Variants in MYO1D observed in about 807,000 individuals in gnomAD.
MYO1D encodes myosin ID.
Under a neutral mutation model 122.0 loss-of-function variants are expected in MYO1D, and 83 were observed. That is an observed-to-expected ratio of 0.68 (90% CI 0.57 to 0.82). The LOEUF is 0.82. Among genes scored for constraint, MYO1D ranks in the 40% least tolerant of loss-of-function variants. MYO1D has a pLI of 0.00. For missense variants in MYO1D, 1,157 were observed against 1,269.5 expected (o/e 0.91, Z 1.35); for synonymous variants, 464 against 446.9 (o/e 1.04, Z -0.48).
chr17:32,653,821 A>G (rs1368838826), intron 19 of MYO1D, 22 bp downstream of exon 19: 1 of 1,585,322 alleles, frequency 6.3e-7, no homozygotes, highest in African/African-American at 1.3e-5. Context: ...TTCCAAGATG[A>G]TCTGGTTTAA....
chr17:32,596,105 G>C (rs1203499650), intron 21 of MYO1D, among the ~76,000 whole-genome samples: 1 of 152,134 alleles, frequency 6.6e-6, no homozygotes, highest in Non-Finnish European at 1.5e-5. Flanking sequence ...CCATAAGTCA[G>C]GTGCCTTCAA....
intron 20 of MYO1D, among the ~76,000 whole-genome samples, chr17:32,621,484 T>C (rs1452610222): frequency 1.3e-5 from 2 of 152,072 alleles, no homozygotes; most frequent in Non-Finnish European, 2.9e-5. Context: ...TAGAATTTAT[T>C]GAATGTGTGG....
At chr17:32,851,888 C>T (rs552337124) in intron 1 of MYO1D, among the ~76,000 whole-genome samples, 22 of 152,326 alleles carry the variant, frequency 1.4e-4, no homozygotes, top group Admixed American at 7.2e-4. Context: ...CAGCCCAGCC[C>T]GGTTCCTAAC....
At chr17:32,532,083 C>CTTGGCTCCAA (rs1910522329) in intron 21 of MYO1D, among the ~76,000 whole-genome samples, 1 of 152,222 alleles carries the variant, frequency 6.6e-6, no homozygotes, top group Non-Finnish European at 1.5e-5. Context: ...AGGTCCTGCA[C>CTTGGCTCCAA]TGTGCCATCC....
intron 1 of MYO1D, among the ~76,000 whole-genome samples, chr17:32,870,621 A>G (rs1202859684): frequency 6.6e-6 from 1 of 152,192 alleles, no homozygotes; most frequent in Non-Finnish European, 1.5e-5. Flanking sequence ...AAGAAAGAAA[A>G]AAAAGAAATA....
At chr17:32,554,830 C>G (rs1479038433) in intron 21 of MYO1D, among the ~76,000 whole-genome samples, 5 of 152,110 alleles carry the variant, frequency 3.3e-5, no homozygotes, top group Admixed American at 3.3e-4. Context: ...TTAAGAAATG[C>G]AGACTGAAAC....
At chr17:32,727,666 T>TAAATACAA (rs1433487216) in intron 14 of MYO1D, 1 of 152,068 alleles carries the variant, frequency 6.6e-6, no homozygotes, top group African/African-American at 2.4e-5. Context: ...AAGAGTCAAA[T>TAAATACAA]AGAAGCATTA....
At chr17:32,542,367 A>G (rs1045042358) in intron 21 of MYO1D, among the ~76,000 whole-genome samples, 1 of 152,182 alleles carries the variant, frequency 6.6e-6, no homozygotes, top group Non-Finnish European at 1.5e-5. Context: ...TTAAATGCAT[A>G]TGTGTGCAGA....
At chr17:32,803,550 GA>G (rs2090479078) in intron 1 of MYO1D, among the ~76,000 whole-genome samples, 1 of 152,168 alleles carries the variant, frequency 6.6e-6, no homozygotes, top group South Asian at 2.1e-4. Context: ...ATTGGTTTGG[GA>G]AAAAAATCAT....
chr17:32,807,660 A>G (rs1415164619), intron 1 of MYO1D, among the ~76,000 whole-genome samples: 4 of 152,202 alleles, frequency 2.6e-5, no homozygotes, highest in Admixed American at 2.0e-4. Flanking sequence ...AGCACAGAAA[A>G]GCTGGTGTGC....
At position 32,569,068 on chromosome 17, in the gene MYO1D, C is replaced by T. The variant is rs575510620; in HGVS notation, c.2864+36019G>A. 3.2e-4 allele frequency among the ~76,000 whole-genome samples: 49 copies of T among 152,284 alleles called. 1 individual carries two copies. The highest frequency in any genetic ancestry group is 1.2e-3 in the African/African-American group (48 of 41,558). On this transcript the variant is annotated intron_variant, in intron 21 of 21. Coordinates refer to ENST00000318217, the MANE Select transcript of MYO1D (RefSeq NM_015194.3). ...GTCAGTTGATAATAAATAAATCCCA[C>T]GACTAGATAATCTGGTGCCTTTTAA...
At chr17:32,871,473 C>A (rs2091179868) in intron 1 of MYO1D, among the ~76,000 whole-genome samples, 1 of 152,164 alleles carries the variant, frequency 6.6e-6, no homozygotes, top group Non-Finnish European at 1.5e-5. Context: ...CTTTGGCATG[C>A]ACAGTGCTTC....
chr17:32,534,903 G>A (rs569763172), intron 21 of MYO1D, among the ~76,000 whole-genome samples: 4 of 152,302 alleles, frequency 2.6e-5, no homozygotes, highest in Admixed American at 2.6e-4. Context: ...AGTCAACAGG[G>A]AACAAGAGGT....
chr17:32,575,273 C>T (rs1408337024), intron 21 of MYO1D, among the ~76,000 whole-genome samples: 9 of 152,174 alleles, frequency 5.9e-5, no homozygotes, highest in East Asian at 1.9e-4. Context: ...AGCTCCAATC[C>T]GAGGACCTTT....
intron 19 of MYO1D, among the ~76,000 whole-genome samples, chr17:32,651,898 G>A (rs746725932): frequency 6.6e-6 from 1 of 152,006 alleles, no homozygotes; most frequent in Non-Finnish European, 1.5e-5. Context: ...GGATGGTCTT[G>A]ATCGCTTGAC....
chr17:32,796,661 G>A (rs1434171951), intron 1 of MYO1D, among the ~76,000 whole-genome samples: 1 of 152,178 alleles, frequency 6.6e-6, no homozygotes, highest in African/African-American at 2.4e-5. Flanking sequence ...CAATCTGCTG[G>A]CCTCAGCCTT....
At chr17:32,673,334 G>T (rs1466775659) in intron 16 of MYO1D, among the ~76,000 whole-genome samples, 1 of 151,568 alleles carries the variant, frequency 6.6e-6, no homozygotes, top group Non-Finnish European at 1.5e-5. Flanking sequence ...GAACTCTTGA[G>T]CTCAGGCAAT....
intron 7 of MYO1D, among the ~76,000 whole-genome samples, chr17:32,766,276 C>T (rs1274279530): frequency 2.6e-5 from 4 of 152,142 alleles, no homozygotes; most frequent in African/African-American, 9.7e-5. Flanking sequence ...ATACTTATAA[C>T]CATCTACCAA....
intron 1 of MYO1D, among the ~76,000 whole-genome samples, chr17:32,791,525 AC>A (rs1048274539): frequency 5.3e-5 from 8 of 152,242 alleles, no homozygotes; most frequent in African/African-American, 1.9e-4. Context: ...TAAGAAACAC[AC>A]CCTGAATTAT....
Sources: allele counts gnomAD v4.1 joint callset (sites outside exome capture counted in the v4.1 genomes callset), GRCh38; gene constraint gnomAD v4.1.1; transcripts MANE v1.5; gene names NCBI Gene and HGNC (gene_info 2026-07-23, HGNC 2026-07-21).